The following NAA60 variants were observed in gnomAD, a reference collection of about 807,000 sequenced individuals.
NAA60 encodes the protein N-alpha-acetyltransferase 60, NatF catalytic subunit, also known as N-alpha-acetyltransferase 60.
A neutral mutation model predicts 26.1 loss-of-function variants in NAA60; 8 were observed. The ratio of observed to expected loss-of-function variants is 0.31; its 90% CI spans 0.18 to 0.55. The LOEUF (loss-of-function observed/expected upper bound fraction) is 0.55. Among genes scored for constraint, NAA60 ranks in the 20% least tolerant of loss-of-function variants. The pLI is 0.93. For synonymous variants in NAA60, 131 were observed against 122.5 expected, an observed-to-expected ratio of 1.07 and a Z score of -0.46; for missense variants, 290 against 311.3, an observed-to-expected ratio of 0.93 and a Z score of 0.51.
intron 2 of NAA60, among the ~76,000 whole-genome samples, chr16:3,459,682 A>G (rs148084912): frequency 4.7e-4 from 71 of 152,300 alleles, no homozygotes; most frequent in African/African-American, 1.3e-3. Flanking sequence ...TTCTGTGACA[A>G]TGGTTTACAC....
rs1436492720 is a variant in NAA60 at position 3,448,543 on chromosome 16, G to C, written c.-7+3G>C. The C allele has an allele frequency of 6.5e-7, 1 of 1,535,310 alleles. No individual in the cohort carries two copies. Among genetic ancestry groups the C allele is most frequent in the Non-Finnish European group, 8.7e-7 (1 of 1,146,618 alleles). On this transcript the variant is annotated splice_donor_region_variant and intron_variant, in intron 2 of 7. Transcript: ENST00000407558. The stretch of plus-strand genomic sequence containing the variant: ...AGTTGGGAGAAGAGCTCCAGAGAGT[G>C]AGTCAAAGCGCTCTGTGTCCTGCTA...
chr16:3,460,651 C>T (rs1436096227), intron 2 of NAA60, among the ~76,000 whole-genome samples: 1 of 152,226 alleles, frequency 6.6e-6, no homozygotes, highest in African/African-American at 2.4e-5. Context: ...AGGCGTGAGC[C>T]ATTGCATCCA....
intron 2 of NAA60, among the ~76,000 whole-genome samples, chr16:3,450,827 A>T (rs1304167728): frequency 2.0e-5 from 3 of 151,900 alleles, no homozygotes; most frequent in Non-Finnish European, 4.4e-5. Flanking sequence ...CAGGGCAGCC[A>T]GTGGAGAGAG....
intron 3 of NAA60, among the ~76,000 whole-genome samples, chr16:3,477,915 A>G (rs1336251114): frequency 1.3e-5 from 2 of 152,164 alleles, no homozygotes; most frequent in Non-Finnish European, 2.9e-5. Flanking sequence ...AATACAAAAA[A>G]ATTATCTGGG....
intron 5 of NAA60, 43 bp downstream of exon 5, chr16:3,482,641 C>T (rs760849632): frequency 2.8e-6 from 4 of 1,408,956 alleles, no homozygotes; most frequent in Admixed American, 4.0e-5. Context: ...ACCCCACCCC[C>T]TTGCCCTACC....
chr16:3,448,539 G>A lies in NAA60; in HGVS notation c.-8G>A. 6.5e-7 allele frequency: 1 copy of A among 1,535,562 alleles called. No individual in the cohort carries two copies. The highest frequency in any genetic ancestry group is 8.7e-7 in the Non-Finnish European group (1 of 1,146,812). ...CCTGAGTTGGGAGAAGAGCTCCAGA[G>A]AGTGAGTCAAAGCGCTCTGTGTCCT... On this transcript the variant is annotated splice_region_variant and 5_prime_UTR_variant, in exon 2 of 8. Coordinates refer to ENST00000407558, the MANE Select transcript of NAA60 (RefSeq NM_001083601.3).
At chr16:3,448,781 AT>A in intron 2 of NAA60, 1 of 405,182 alleles carries the variant, frequency 2.5e-6, no homozygotes, top group East Asian at 4.8e-5. Context: ...TCTTTAAACT[AT>A]AAAGAAGTAA....
At chr16:3,465,721 G>T (rs920544268) in intron 2 of NAA60, among the ~76,000 whole-genome samples, 1 of 152,158 alleles carries the variant, frequency 6.6e-6, no homozygotes, top group Non-Finnish European at 1.5e-5. Context: ...CACTTTTCAT[G>T]TTTGCCGTGA....
chr16:3,482,635 C>T, intron 5 of NAA60, 37 bp downstream of exon 5: 15 of 1,472,120 alleles, frequency 1.0e-5, no homozygotes, highest in Non-Finnish European at 1.4e-5. Context: ...GCGCCCACCC[C>T]ACCCCCTTGC....
chr16:3,446,946 ATTC>A (rs2034580019), intron 1 of NAA60, among the ~76,000 whole-genome samples: 1 of 151,498 alleles, frequency 6.6e-6, no homozygotes, highest in Non-Finnish European at 1.5e-5. Flanking sequence ...GGTTCAAGCA[ATTC>A]TTCTGGCTCA....
At chr16:3,461,692 A>G (rs1194959664) in intron 2 of NAA60, among the ~76,000 whole-genome samples, 1 of 152,202 alleles carries the variant, frequency 6.6e-6, no homozygotes, top group Non-Finnish European at 1.5e-5. Flanking sequence ...TTAAAGTTGC[A>G]ATGAAGAGGA....
At chr16:3,471,282 A>T (rs1363453748) in intron 2 of NAA60, among the ~76,000 whole-genome samples, 1 of 152,140 alleles carries the variant, frequency 6.6e-6, no homozygotes, top group Non-Finnish European at 1.5e-5. Context: ...CAGGCGGATC[A>T]TGAGGTCAGG....
At chr16:3,478,563 C>T (rs74421941) in intron 3 of NAA60, among the ~76,000 whole-genome samples, 4,737 of 152,240 alleles carry the variant, frequency 0.031, 250 homozygotes, top group African/African-American at 0.11. Flanking sequence ...GGGCTGGATT[C>T]GCCTGTTAAT....
At chr16:3,474,721 AG>A (rs1280087597) in intron 2 of NAA60, among the ~76,000 whole-genome samples, 4 of 152,238 alleles carry the variant, frequency 2.6e-5, no homozygotes, top group African/African-American at 9.6e-5. Flanking sequence ...ACCTGCCCCC[AG>A]CAGCTTTCAG....
In NAA60 at chr16:3,484,959, A is replaced by G; in HGVS notation, c.*104A>G. The G allele has an allele frequency of 6.5e-7, 1 of 1,533,766 alleles. No individual in the cohort carries two copies. Among genetic ancestry groups the G allele is most frequent in the Non-Finnish European group, 8.8e-7 (1 of 1,142,080 alleles). ...TGTTTTCTGCAAGGAGCTGCCAGCC[A>G]TCTAACTGGGCTCGTCGGCCTGCCC... On this transcript the variant is annotated 3_prime_UTR_variant, in exon 7 of 8. Transcript: ENST00000407558.
chr16:3,455,033 T>C (rs1465196979), intron 2 of NAA60, among the ~76,000 whole-genome samples: 2 of 152,212 alleles, frequency 1.3e-5, no homozygotes, highest in Non-Finnish European at 2.9e-5. Flanking sequence ...GAAATAGTTA[T>C]TTTCTCATTT....
At chr16:3,485,296 T>A (rs1271617944) in intron 7 of NAA60, 171 bp from the exon 8 acceptor site, 1 of 558,652 alleles carries the variant, frequency 1.8e-6, no homozygotes, top group Non-Finnish European at 3.4e-6. Flanking sequence ...TGCCTTTATT[T>A]GTGTGGGGAC....
chr16:3,471,830 G>A (rs74510535), intron 2 of NAA60, among the ~76,000 whole-genome samples: 9,339 of 152,196 alleles, frequency 0.061, 381 homozygotes, highest in Admixed American at 0.084. Flanking sequence ...CCTTTCCCCC[G>A]TGCTGGTTCC....
chr16:3,447,675 C>T, intron 1 of NAA60: 1 of 976,328 alleles, frequency 1.0e-6, no homozygotes, highest in Non-Finnish European at 1.2e-6. Context: ...TACTGGTGTT[C>T]AGAATGCTTG....
Sources: gnomAD v4.1 joint callset for allele counts (sites outside exome capture counted in the v4.1 genomes callset) on GRCh38, gnomAD v4.1.1 for gene constraint, MANE v1.5 for transcripts, NCBI Gene and HGNC (gene_info 2026-07-23, HGNC 2026-07-21) for gene names.